Variants in TCF4 observed in about 807,000 individuals in gnomAD.
The protein encoded by TCF4 is SL3-3 enhancer factor 2.
A neutral mutation model predicts 82.1 loss-of-function variants in TCF4; 3 were observed. The observed-to-expected ratio is 0.04, with a 90% CI of 0.02 to 0.09. TCF4 has a LOEUF of 0.09. TCF4 is among the 10% of genes least tolerant of loss of function. TCF4 has a pLI of 1.00. For missense variants in TCF4, 518 were observed against 852.7 expected (o/e 0.61, Z 4.89); for synonymous variants, 276 against 309.6 (o/e 0.89, Z 1.14).
chr18:55,335,444 T>A (rs2078431195), intron 8 of TCF4, among the ~76,000 whole-genome samples: 1 of 152,174 alleles, frequency 6.6e-6, no homozygotes, highest in African/African-American at 2.4e-5. Flanking sequence ...TATGAAAGAA[T>A]CAAAGAAGGG....
Position 55,582,603 on chromosome 18 carries a change from T to A in TCF4, c.145+2677A>T, listed in dbSNP as rs2097585903. On this transcript the variant is annotated intron_variant, in intron 3 of 19. Transcript: ENST00000354452. The stretch of plus-strand genomic sequence containing the variant: ...TTAAGGTGGTAGGAAAAACCATGTT[T>A]GTGAAATGAAAGATTAAAGGGAATA... 1.3e-5 allele frequency among the ~76,000 whole-genome samples: 2 copies of A among 152,188 alleles called. 1 individual carries two copies.
chr18:55,345,129 A>G (rs2080879553), intron 8 of TCF4, among the ~76,000 whole-genome samples: 1 of 152,160 alleles, frequency 6.6e-6, no homozygotes, highest in Non-Finnish European at 1.5e-5. Context: ...TATGTTGAGT[A>G]TGTGCAAGCC....
chr18:55,282,009 A>T (rs1252870159), intron 8 of TCF4, among the ~76,000 whole-genome samples: 2 of 152,014 alleles, frequency 1.3e-5, no homozygotes, highest in Non-Finnish European at 2.9e-5. Context: ...GTTAATAGGC[A>T]ACGGACCACT....
At chr18:55,483,966 C>T (rs1308963982) in intron 3 of TCF4, among the ~76,000 whole-genome samples, 4 of 152,206 alleles carry the variant, frequency 2.6e-5, no homozygotes, top group Admixed American at 2.0e-4. Flanking sequence ...CTTTCGTGCA[C>T]AGTATTTCAT....
chr18:55,510,581 C>A lies in TCF4; in HGVS notation c.146-46444G>T, dbSNP rs1175465672. 10 of 1,505,180 alleles carry A rather than the reference C, an allele frequency of 6.6e-6. No individual in the cohort carries two copies. The Admixed American group carries it at 8.2e-5, about 12-fold the overall frequency. The allele number at this position is 1,505,180 out of a possible 1,614,324, so 93.2% of individuals were successfully genotyped here. A position where few individuals can be genotyped will look rare whatever the true frequency, so the allele number is the denominator to read the frequency against. ...ATACAAGTTACATAAATATTTACCT[C>A]TGCTGTCCTCTTCCATATGAATAGG... is the stretch of plus-strand genomic sequence containing the variant. On this transcript the variant is annotated intron_variant, in intron 3 of 19. Coordinates refer to ENST00000354452, the MANE Select transcript of TCF4 (RefSeq NM_001083962.2).
chr18:55,322,449 A>C lies in TCF4; in HGVS notation c.549+27910T>G, dbSNP rs920662090. 12 of 1,005,660 alleles carry C rather than the reference A, an allele frequency of 1.2e-5. No individual in the cohort carries two copies. In the Admixed American group the frequency reaches 1.8e-4, roughly 15 times the overall value. 62.3% of individuals were successfully genotyped at this position (1,005,660 alleles called of 1,614,324 possible). ...AGAAAAAAAAAAAAAAAAAAAAAAA[A>C]ACACCACGTCTCTGACCTCGCTCAA... On this transcript the variant is annotated intron_variant, in intron 8 of 19. Transcript: ENST00000354452.
chr18:55,509,036 A>C (rs2096795445), intron 3 of TCF4, among the ~76,000 whole-genome samples: 1 of 152,158 alleles, frequency 6.6e-6, no homozygotes, highest in African/African-American at 2.4e-5. Flanking sequence ...AACAGGAAAA[A>C]TACTCCATTT....
At chr18:55,394,581 C>T (rs1470155666) in intron 6 of TCF4, among the ~76,000 whole-genome samples, 1 of 152,020 alleles carries the variant, frequency 6.6e-6, no homozygotes, top group Non-Finnish European at 1.5e-5. Flanking sequence ...AGTCGCTCTC[C>T]CGCCAAAATG....
chr18:55,272,785 C>T (rs1218713131), intron 10 of TCF4, among the ~76,000 whole-genome samples: 1 of 151,984 alleles, frequency 6.6e-6, no homozygotes, highest in African/African-American at 2.4e-5. Flanking sequence ...GCATCTAGCC[C>T]CTAGTTGTAA....
At chr18:55,260,264 G>A (rs2057760338) in intron 12 of TCF4, among the ~76,000 whole-genome samples, 1 of 152,182 alleles carries the variant, frequency 6.6e-6, no homozygotes, top group African/African-American at 2.4e-5. Flanking sequence ...GCTGGGGTCA[G>A]CAGACTTCAA....
chr18:55,627,102 C>T (rs1010916932), intron 2 of TCF4, among the ~76,000 whole-genome samples: 6 of 152,164 alleles, frequency 3.9e-5, no homozygotes, highest in African/African-American at 1.4e-4. Context: ...AGCCCTGCCT[C>T]AAATTGAGTC....
chr18:55,451,608 C>G (rs757006709), intron 5 of TCF4, among the ~76,000 whole-genome samples: 3 of 152,172 alleles, frequency 2.0e-5, no homozygotes, highest in Admixed American at 6.5e-5. Flanking sequence ...AGGATGAATA[C>G]AGCACTTAAG....
At chr18:55,381,632 T>C (rs2091909777) in intron 6 of TCF4, among the ~76,000 whole-genome samples, 1 of 152,216 alleles carries the variant, frequency 6.6e-6, no homozygotes, top group Non-Finnish European at 1.5e-5. Flanking sequence ...CATTCAGAAA[T>C]ACAAAGCAAA....
chr18:55,330,815 C>T (rs999034929), intron 8 of TCF4, among the ~76,000 whole-genome samples: 5 of 152,132 alleles, frequency 3.3e-5, no homozygotes, highest in Non-Finnish European at 5.9e-5. Context: ...GATCCGCCCG[C>T]CCCGGCCTCC....
chr18:55,490,558 T>C (rs2096565451), intron 3 of TCF4, among the ~76,000 whole-genome samples: 1 of 152,104 alleles, frequency 6.6e-6, no homozygotes, highest in African/African-American at 2.4e-5. Flanking sequence ...CAACAACTGC[T>C]GAAATTAACC....
intron 15 of TCF4, among the ~76,000 whole-genome samples, chr18:55,252,943 G>A (rs1174015089): frequency 6.6e-6 from 1 of 152,080 alleles, no homozygotes; most frequent in Non-Finnish European, 1.5e-5. Context: ...CTGAGGCCAA[G>A]CTAAATTAAA....
intron 3 of TCF4, among the ~76,000 whole-genome samples, chr18:55,494,504 G>A (rs1292936343): frequency 2.0e-5 from 3 of 152,006 alleles, no homozygotes; most frequent in Non-Finnish European, 2.9e-5. Context: ...TGCATTTAAA[G>A]GGTTGCCTCA....
intron 3 of TCF4, among the ~76,000 whole-genome samples, chr18:55,549,400 CTT>C (rs2097238273): frequency 6.6e-6 from 1 of 151,980 alleles, no homozygotes; most frequent in African/African-American, 2.4e-5. Context: ...TCTTGTAAAA[CTT>C]TTTGACTCTT....
chr18:55,535,585 G>T (rs962777869), intron 3 of TCF4, among the ~76,000 whole-genome samples: 25 of 152,112 alleles, frequency 1.6e-4, no homozygotes, highest in Admixed American at 1.6e-3. Flanking sequence ...GAACTCTACT[G>T]GATCAATTGA....
Sources: allele counts gnomAD v4.1 joint callset (sites outside exome capture counted in the v4.1 genomes callset), GRCh38; gene constraint gnomAD v4.1.1; transcripts MANE v1.5; gene names NCBI Gene and HGNC (gene_info 2026-07-23, HGNC 2026-07-21).